The following NRXN3 variants were observed in gnomAD, a reference collection of about 807,000 sequenced individuals.
NRXN3 encodes neurexin 3.
NRXN3 carries 32 observed loss-of-function variants against 137.6 expected under a neutral mutation model. That is an observed-to-expected ratio of 0.23 (90% confidence interval 0.18 to 0.31). The LOEUF is 0.31. Ranked by LOEUF, NRXN3 falls within the 10% of genes least tolerant of loss-of-function variation. The probability of loss-of-function intolerance (pLI) is 1.00; values close to 1 mark genes in which losing one functional copy is unlikely to be tolerated. For synonymous variants in NRXN3, 798 were observed against 784.5 expected (o/e 1.02, Z -0.29); for missense variants, 1,574 against 2,062.5 (o/e 0.76, Z 4.59).
chr14:79,343,585 A>G (rs74069736), intron 15 of NRXN3, among the ~76,000 whole-genome samples: 6,521 of 152,170 alleles, frequency 0.043, 329 homozygotes, highest in African/African-American at 0.12. Context: ...CTGCCAGAAG[A>G]TGACCTACCA....
chr14:79,690,521 A>G (rs747394828), intron 17 of NRXN3, among the ~76,000 whole-genome samples: 6 of 152,102 alleles, frequency 3.9e-5, no homozygotes, highest in Non-Finnish European at 5.9e-5. Flanking sequence ...ATACATTAAT[A>G]TGTTATACCC....
chr14:79,337,508 CTG>C (rs2092342893), intron 15 of NRXN3, among the ~76,000 whole-genome samples: 1 of 152,152 alleles, frequency 6.6e-6, no homozygotes, highest in African/African-American at 2.4e-5. Flanking sequence ...GCAGTATAAT[CTG>C]TTTCAGTTGG....
intron 8 of NRXN3, among the ~76,000 whole-genome samples, chr14:78,776,832 T>C (rs2098746283): frequency 6.6e-6 from 1 of 152,196 alleles, no homozygotes. Flanking sequence ...TCAGTGTACA[T>C]CAGAGACCAA....
chr14:78,522,583 T>G (rs1409810859), intron 4 of NRXN3, among the ~76,000 whole-genome samples: 1 of 152,220 alleles, frequency 6.6e-6, no homozygotes, highest in Non-Finnish European at 1.5e-5. Context: ...ATATAATCTG[T>G]TTTCTCTATG....
At chr14:79,459,876 G>A (rs572706638) in intron 15 of NRXN3, among the ~76,000 whole-genome samples, 6 of 152,130 alleles carry the variant, frequency 3.9e-5, no homozygotes, top group East Asian at 1.9e-4. Flanking sequence ...ATTTGAGTGT[G>A]TCCGTGGAAG....
intron 4 of NRXN3, among the ~76,000 whole-genome samples, chr14:78,562,352 G>T (rs577202458): frequency 7.0e-6 from 1 of 143,172 alleles, no homozygotes; most frequent in East Asian, 2.1e-4. Flanking sequence ...ACCCAAGATC[G>T]CGCCACTGCA....
At chr14:78,226,176 TGTATTTTTA>T (rs1441525423) in intron 1 of NRXN3, among the ~76,000 whole-genome samples, 1 of 152,118 alleles carries the variant, frequency 6.6e-6, no homozygotes, top group African/African-American at 2.4e-5. Flanking sequence ...ACTAATTTTT[TGTATTTTTA>T]GTAGAGATGT....
Position 78,810,359 on chromosome 14 carries a change from A to G in NRXN3, c.2275+15A>G. 7.2e-7 allele frequency: 1 copy of G among 1,393,622 alleles called. No homozygotes were observed. The highest frequency in any genetic ancestry group is 9.7e-7 in the Non-Finnish European group (1 of 1,033,714). 86.3% of individuals were successfully genotyped at this position (1,393,622 alleles called of 1,614,324 possible). On this transcript the variant is annotated intron_variant, in intron 10 of 20. Coordinates refer to ENST00000335750, the MANE Select transcript of NRXN3 (RefSeq NM_001330195.2). Reference sequence around the variant, plus strand: ...CTGTAACTCCAGTAAGTTTTCCCTCAAGTTTCATTTTGTTCTTTAAAAAAA... The same window carrying G: ...CTGTAACTCCAGTAAGTTTTCCCTCGAGTTTCATTTTGTTCTTTAAAAAAA...
At chr14:79,492,088 CT>C (rs2096722685) in intron 16 of NRXN3, among the ~76,000 whole-genome samples, 1 of 152,076 alleles carries the variant, frequency 6.6e-6, no homozygotes, top group Admixed American at 6.5e-5. Flanking sequence ...AGGTACTGCT[CT>C]TTTTTTGTTA....
At chr14:78,714,650 T>A in intron 7 of NRXN3, 106 bp from the exon 8 acceptor site, 1 of 1,243,782 alleles carries the variant, frequency 8.0e-7, no homozygotes, top group Non-Finnish European at 1.1e-6. Context: ...GCTTACATTG[T>A]TCTCTCCTGG....
intron 15 of NRXN3, among the ~76,000 whole-genome samples, chr14:79,319,732 G>GACC (rs1319953945): frequency 6.6e-6 from 1 of 152,090 alleles, no homozygotes. Context: ...TTGCTTTTAG[G>GACC]TAAGCTCAGA....
At chr14:78,914,473 A>G (rs961887531) in intron 10 of NRXN3, among the ~76,000 whole-genome samples, 1 of 152,186 alleles carries the variant, frequency 6.6e-6, no homozygotes, top group Non-Finnish European at 1.5e-5. Flanking sequence ...GAGGAGGACC[A>G]AGGTTTACTA....
At chr14:78,239,851 T>C (rs1045487833) in intron 1 of NRXN3, among the ~76,000 whole-genome samples, 2 of 152,076 alleles carry the variant, frequency 1.3e-5, no homozygotes, top group Non-Finnish European at 2.9e-5. Flanking sequence ...GGGATCACAG[T>C]CGCCTGCCAC....
intron 15 of NRXN3, among the ~76,000 whole-genome samples, chr14:79,408,177 G>A (rs1044534951): frequency 6.6e-6 from 1 of 152,148 alleles, no homozygotes; most frequent in Non-Finnish European, 1.5e-5. Context: ...GTCCACAAGT[G>A]TTTGCAGACC....
rs1171306670 is a variant in NRXN3, at chr14:79,049,022, CAAAAAAAAAAAAAAA to C, written c.3262+60919_3262+60933del. On this transcript the variant is annotated intron_variant, in intron 15 of 20. Transcript: ENST00000335750. ...TGGGCGACAGAGCGAAACTCCGTCT[CAAAAAAAAAAAAAAA>C]AAAAAAAAAAAAAAAAAAAAAAAAA... 6.4e-4 allele frequency among the ~76,000 whole-genome samples: 19 copies of C among 29,482 alleles called. 1 individual carries two copies. Among genetic ancestry groups the C allele is most frequent in the East Asian group, 8.8e-4 (1 of 1,130 alleles). 19.3% of individuals were successfully genotyped at this position (29,482 alleles called of 152,430 possible).
At chr14:78,994,473 T>A (rs1442363135) in intron 15 of NRXN3, among the ~76,000 whole-genome samples, 1 of 152,198 alleles carries the variant, frequency 6.6e-6, no homozygotes, top group African/African-American at 2.4e-5. Context: ...TCCCCTATGT[T>A]GAAATCATTG....
At chr14:78,849,984 C>A (rs77686331) in intron 10 of NRXN3, among the ~76,000 whole-genome samples, 1 of 152,042 alleles carries the variant, frequency 6.6e-6, no homozygotes, top group Non-Finnish European at 1.5e-5. Flanking sequence ...CTTTGATGTA[C>A]CACATATGGA....
intron 8 of NRXN3, among the ~76,000 whole-genome samples, chr14:78,769,688 C>T (rs183606668): frequency 2.5e-4 from 38 of 152,318 alleles, no homozygotes; most frequent in African/African-American, 8.9e-4. Context: ...AGTGACACAC[C>T]TAACCATGCT....
In NRXN3 at chr14:79,103,699, C is replaced by T. The variant is rs772432474; in HGVS notation, c.3262+115558C>T. On this transcript the variant is annotated intron_variant, in intron 15 of 20. Coordinates refer to ENST00000335750, the MANE Select transcript of NRXN3 (RefSeq NM_001330195.2). Reference sequence around the variant, plus strand: ...CTATTAGGGAATAAAAAAAGACCCACGTTCTTAACATGACTTTGAGGTATT... The same window carrying T: ...CTATTAGGGAATAAAAAAAGACCCATGTTCTTAACATGACTTTGAGGTATT... Among the ~76,000 whole-genome samples the T allele has an allele frequency of 2.8e-4, 42 of 152,140 alleles. 1 individual carries two copies. Among genetic ancestry groups the T allele is most frequent in the Non-Finnish European group, 5.1e-4 (35 of 68,026 alleles).
Sources: gnomAD v4.1 joint callset for allele counts (sites outside exome capture counted in the v4.1 genomes callset) on GRCh38, gnomAD v4.1.1 for gene constraint, MANE v1.5 for transcripts, NCBI Gene and HGNC (gene_info 2026-07-23, HGNC 2026-07-21) for gene names.